The following WLS variants were observed in gnomAD, a reference collection of about 807,000 sequenced individuals.
The protein encoded by WLS is Wnt ligand secretion mediator.
WLS carries 23 observed loss-of-function variants against 62.8 expected under a neutral mutation model. The observed-to-expected ratio is 0.37, with a 90% CI of 0.26 to 0.52. WLS has a LOEUF of 0.52. Among genes scored for constraint, WLS ranks in the 20% least tolerant of loss-of-function variants. WLS has a pLI of 0.92. For synonymous variants in WLS, 246 were observed against 244.1 expected, an observed-to-expected ratio of 1.01 and a Z score of -0.07; for missense variants, 615 against 697.3, an observed-to-expected ratio of 0.88 and a Z score of 1.33.
At chr1:68,113,200 C>T (rs1646250449) in intron 11 of WLS, among the ~76,000 whole-genome samples, 1 of 152,204 alleles carries the variant, frequency 6.6e-6, no homozygotes, top group South Asian at 2.1e-4. Context: ...GTAAAAATAT[C>T]CGTATCCTTA....
intron 11 of WLS, among the ~76,000 whole-genome samples, chr1:68,112,337 C>T (rs1215654360): frequency 3.3e-5 from 5 of 152,210 alleles, no homozygotes; most frequent in Admixed American, 3.3e-4. Context: ...TGGCTTCATT[C>T]AGGAGGCTGT....
chr1:68,183,062 G>A (rs1570967203), intron 2 of WLS, among the ~76,000 whole-genome samples: 1 of 152,024 alleles, frequency 6.6e-6, no homozygotes, highest in Non-Finnish European at 1.5e-5. Context: ...CACCATGCTG[G>A]GCTAATTTTT....
chr1:68,099,239 G>A (rs1646047067), intron 11 of WLS, among the ~76,000 whole-genome samples: 1 of 151,992 alleles, frequency 6.6e-6, no homozygotes, highest in African/African-American at 2.4e-5. Flanking sequence ...CTTCCAAAAA[G>A]GATGTTTTGG....
At chr1:68,198,779 G>A (rs1648823817) in intron 1 of WLS, among the ~76,000 whole-genome samples, 1 of 152,220 alleles carries the variant, frequency 6.6e-6, no homozygotes, top group African/African-American at 2.4e-5. Flanking sequence ...GCAACAGTCA[G>A]ATATTTGGGA....
intron 6 of WLS, among the ~76,000 whole-genome samples, chr1:68,149,627 T>C (rs1646798931): frequency 6.6e-6 from 1 of 152,200 alleles, no homozygotes; most frequent in Non-Finnish European, 1.5e-5. Context: ...TTAACCATGG[T>C]ACCTTCAATC....
chr1:68,153,668 G>GTGATAATTT lies in WLS; in HGVS notation c.667-24_667-16dup. 6.2e-7 allele frequency: 1 copy of GTGATAATTT among 1,613,956 alleles called. No individual in the cohort carries two copies. Among genetic ancestry groups the GTGATAATTT allele is most frequent in the South Asian group, 1.1e-5 (1 of 91,028 alleles). On this transcript the variant is annotated splice_polypyrimidine_tract_variant and intron_variant, in intron 4 of 11. Transcript: ENST00000262348. The stretch of plus-strand genomic sequence containing the variant: ...TGGTGGATCCCCTAGGCAGAGACCA[G>GTGATAATTT]TGATAATTTTGAAGGTGAATATTAT...
chr1:68,230,582 T>TGCGC lies in WLS; in HGVS notation c.106+1608_106+1611dup, dbSNP rs147996071. Among the ~76,000 whole-genome samples, 19 of 142,398 alleles carry TGCGC rather than the reference T, an allele frequency of 1.3e-4. 1 individual carries two copies. The highest frequency in any genetic ancestry group is 9.7e-4 in the Admixed American group (13 of 13,454). 93.4% of individuals were successfully genotyped at this position (142,398 alleles called of 152,430 possible). On this transcript the variant is annotated intron_variant, in intron 1 of 11. Transcript: ENST00000262348. ...ACAAAAGCCAACCCGTGTGTGTGTG[T>TGCGC]GCGCGCGTGTGTGTGTGTGTGTGTG...
At chr1:68,140,623 G>A (rs926626265) in intron 10 of WLS, among the ~76,000 whole-genome samples, 1 of 152,190 alleles carries the variant, frequency 6.6e-6, no homozygotes, top group African/African-American at 2.4e-5. Flanking sequence ...TACTTGCTCT[G>A]GGACACATGC....
At chr1:68,123,494 G>T (rs1455956896), downstream of WLS, among the ~76,000 whole-genome samples, 1 of 151,682 alleles carries the variant, frequency 6.6e-6, no homozygotes, top group Non-Finnish European at 1.5e-5. Flanking sequence ...TCTCAATGGT[G>T]GTGGCTGCCC....
chr1:68,159,268 G>A (rs779034663), intron 2 of WLS, 21 bp from the exon 3 acceptor site: 17 of 1,603,946 alleles, frequency 1.1e-5, no homozygotes, highest in African/African-American at 4.0e-5. Context: ...AAGGATGCAC[G>A]TTTCAGAAAT....
chr1:68,148,293 G>A (rs1271919617), intron 7 of WLS, 94 bp from the exon 8 acceptor site: 1 of 1,323,130 alleles, frequency 7.6e-7, no homozygotes, highest in African/African-American at 1.5e-5. Flanking sequence ...TCAGCTGCAG[G>A]GGTGAGGGCT....
At position 68,125,377 on chromosome 1, in the gene WLS, G is replaced by T; in HGVS notation, c.*849C>A. On this transcript the variant is annotated 3_prime_UTR_variant, in exon 12 of 12. Transcript: ENST00000262348. The stretch of plus-strand genomic sequence containing the variant: ...CATGTGTATGAGTTTTAGCAGGAGG[G>T]GATATGCATGTACACATATGCATAT... The T allele has an allele frequency of 1.0e-6, 1 of 985,332 alleles. No homozygotes were observed. Among genetic ancestry groups the T allele is most frequent in the Middle Eastern group, 5.2e-4 (1 of 1,914 alleles). The allele number at this position is 985,332 out of a possible 1,614,324, so 61.0% of individuals were successfully genotyped here.
chr1:68,171,229 G>A (rs993826089), intron 2 of WLS, among the ~76,000 whole-genome samples: 5 of 152,088 alleles, frequency 3.3e-5, no homozygotes, highest in Non-Finnish European at 5.9e-5. Flanking sequence ...AGACAACCTA[G>A]GCAATACCAT....
chr1:68,152,576 G>T (rs1023228054), intron 5 of WLS, among the ~76,000 whole-genome samples: 1 of 152,204 alleles, frequency 6.6e-6, no homozygotes, highest in Non-Finnish European at 1.5e-5. Flanking sequence ...TTTGGATTTG[G>T]ACTATGAAGG....
At chr1:68,193,723 GGTGCCCAAGT>G in intron 2 of WLS, 1 of 530,700 alleles carries the variant, frequency 1.9e-6, no homozygotes. Flanking sequence ...TAACCTCACT[GGTGCCCAAGT>G]GTTCCATCTG....
intron 2 of WLS, among the ~76,000 whole-genome samples, 163 bp from the exon 3 acceptor site, chr1:68,159,410 A>G (rs1321690347): frequency 1.3e-5 from 2 of 152,188 alleles, no homozygotes; most frequent in Non-Finnish European, 2.9e-5. Flanking sequence ...TCATAGGATG[A>G]AAGTCTAAGC....
At chr1:68,207,652 C>A (rs1649333323) in intron 1 of WLS, among the ~76,000 whole-genome samples, 3 of 152,164 alleles carry the variant, frequency 2.0e-5, no homozygotes, top group South Asian at 4.1e-4. Flanking sequence ...AAATTAAAAG[C>A]AAGAGCTAGA....
chr1:68,200,605 C>T (rs551691001), intron 1 of WLS, among the ~76,000 whole-genome samples: 76 of 148,148 alleles, frequency 5.1e-4, no homozygotes, highest in Non-Finnish European at 9.6e-4. Context: ...TTTGAAACAA[C>T]AGCTGGGAAA....
At chr1:68,130,580 C>T (rs534219403) in intron 11 of WLS, among the ~76,000 whole-genome samples, 191 of 152,228 alleles carry the variant, frequency 1.3e-3, no homozygotes, top group Non-Finnish European at 2.3e-3. Context: ...CTTTTTGTAA[C>T]GAAGTCTCTG....
Sources: allele counts gnomAD v4.1 joint callset (sites outside exome capture counted in the v4.1 genomes callset), GRCh38; gene constraint gnomAD v4.1.1; transcripts MANE v1.5; gene names NCBI Gene and HGNC (gene_info 2026-07-23, HGNC 2026-07-21).